MACROD2: variants seen among roughly 807,000 people sequenced by gnomAD.
The protein encoded by MACROD2 is ADP-ribose glycohydrolase MACROD2.
Under a neutral mutation model 70.4 loss-of-function variants are expected in MACROD2, and 36 were observed. The observed-to-expected ratio is 0.51, with a 90% CI of 0.39 to 0.68. The LOEUF (loss-of-function observed/expected upper bound fraction) is 0.68. MACROD2 is among the 30% of genes least tolerant of loss of function. The probability of loss-of-function intolerance (pLI) is 0.00; values close to 1 mark genes in which losing one functional copy is unlikely to be tolerated. For synonymous variants in MACROD2, 172 were observed against 178.8 expected, an observed-to-expected ratio of 0.96 and a Z score of 0.30; for missense variants, 496 against 538.4, an observed-to-expected ratio of 0.92 and a Z score of 0.78.
intron 3 of MACROD2, among the ~76,000 whole-genome samples, chr20:14,367,702 T>C (rs204638): frequency 0.66 from 100,777 of 152,020 alleles, 34,144 homozygotes; most frequent in Non-Finnish European, 0.73. Context: ...ATTCCTTCTT[T>C]ACCCTTGGTT....
At chr20:14,117,052 C>G (rs1033280499) in intron 3 of MACROD2, among the ~76,000 whole-genome samples, 4 of 110,392 alleles carry the variant, frequency 3.6e-5, no homozygotes, top group African/African-American at 1.5e-4. Context: ...GGCGACAGAA[C>G]AAGACTCCAT....
intron 15 of MACROD2, among the ~76,000 whole-genome samples, chr20:16,024,540 C>T (rs2067051235): frequency 6.6e-6 from 1 of 151,960 alleles, no homozygotes; most frequent in African/African-American, 2.4e-5. Context: ...GACACACACA[C>T]ACACATGCCA....
chr20:15,646,211 G>A (rs2049538708), intron 8 of MACROD2, among the ~76,000 whole-genome samples: 1 of 152,024 alleles, frequency 6.6e-6, no homozygotes, highest in Non-Finnish European at 1.5e-5. Flanking sequence ...TTAATTCACA[G>A]CAAAAACACA....
chr20:14,514,059 T>C (rs1266212695), intron 4 of MACROD2, among the ~76,000 whole-genome samples: 1 of 152,148 alleles, frequency 6.6e-6, no homozygotes, highest in Non-Finnish European at 1.5e-5. Context: ...TCTTTCTCAC[T>C]GGACTTACCA....
rs533290889 is a variant in MACROD2 at position 15,344,559 on chromosome 20, A to G, written c.541-86846A>G. Among the ~76,000 whole-genome samples the G allele has an allele frequency of 2.5e-3, 377 of 152,190 alleles. 1 individual carries two copies. Among genetic ancestry groups the G allele is most frequent in the Non-Finnish European group, 3.8e-3 (257 of 68,020 alleles). On this transcript the variant is annotated intron_variant, in intron 6 of 17. Transcript: ENST00000684519. ...CTGAGGCCCAGTTTTTTTCGTATAG[A>G]AACAATTATTTTTTTTTATGTTCTC...
chr20:15,467,865 A>G (rs2046915095), intron 7 of MACROD2, among the ~76,000 whole-genome samples: 1 of 152,176 alleles, frequency 6.6e-6, no homozygotes, highest in Non-Finnish European at 1.5e-5. Context: ...AGCAGACTGC[A>G]TTCTAATTTG....
intron 8 of MACROD2, among the ~76,000 whole-genome samples, chr20:15,640,208 G>A (rs1220072797): frequency 6.6e-6 from 1 of 152,042 alleles, no homozygotes; most frequent in African/African-American, 2.4e-5. Context: ...GATGGTGAGG[G>A]AGAACACATG....
At chr20:15,905,656 A>G (rs991568760) in intron 10 of MACROD2, among the ~76,000 whole-genome samples, 3 of 152,192 alleles carry the variant, frequency 2.0e-5, no homozygotes, top group African/African-American at 7.2e-5. Context: ...GTCGTTAAGG[A>G]GAGGTATTGC....
intron 2 of MACROD2, among the ~76,000 whole-genome samples, chr20:14,005,145 C>A (rs1186719748): frequency 4.0e-5 from 6 of 151,860 alleles, no homozygotes; most frequent in African/African-American, 1.5e-4. Context: ...AAAATATTGC[C>A]AAGGAACACA....
At chr20:15,865,862 C>T (rs1172133419) in intron 9 of MACROD2, among the ~76,000 whole-genome samples, 1 of 152,170 alleles carries the variant, frequency 6.6e-6, no homozygotes, top group African/African-American at 2.4e-5. Flanking sequence ...GTATGCACCA[C>T]CCCTTAGGCT....
chr20:15,327,911 A>G (rs541712592), intron 6 of MACROD2, among the ~76,000 whole-genome samples: 80 of 152,136 alleles, frequency 5.3e-4, no homozygotes, highest in Non-Finnish European at 9.6e-4. Flanking sequence ...TAGGTACTTG[A>G]CACATATCAG....
intron 3 of MACROD2, among the ~76,000 whole-genome samples, chr20:14,394,872 C>T (rs1176614581): frequency 6.6e-6 from 1 of 151,956 alleles, no homozygotes; most frequent in Non-Finnish European, 1.5e-5. Context: ...TCTTATTTGT[C>T]CTGTTGATAT....
At chr20:15,680,807 A>G (rs1040686176) in intron 8 of MACROD2, among the ~76,000 whole-genome samples, 1 of 152,252 alleles carries the variant, frequency 6.6e-6, no homozygotes, top group Non-Finnish European at 1.5e-5. Flanking sequence ...TGATGATATC[A>G]TAACAATAGA....
At chr20:15,499,374 A>C (rs1409755035) in intron 7 of MACROD2, among the ~76,000 whole-genome samples, 1 of 152,086 alleles carries the variant, frequency 6.6e-6, no homozygotes, top group African/African-American at 2.4e-5. Flanking sequence ...CCCTGGACTA[A>C]CTGCATGTTT....
intron 2 of MACROD2, among the ~76,000 whole-genome samples, chr20:14,052,576 G>C (rs1357928550): frequency 6.6e-6 from 1 of 152,002 alleles, no homozygotes; most frequent in East Asian, 1.9e-4. Flanking sequence ...TAATTAACTG[G>C]AGCTCCCTAA....
intron 3 of MACROD2, among the ~76,000 whole-genome samples, chr20:14,348,282 T>TAAAA (rs2083084640): frequency 1.7e-5 from 2 of 115,426 alleles, no homozygotes; most frequent in African/African-American, 3.1e-5. Flanking sequence ...AAAAAAAAAA[T>TAAAA]AAATAAAATA....
chr20:15,432,189 A>T (rs2046371853), intron 7 of MACROD2, among the ~76,000 whole-genome samples: 1 of 152,098 alleles, frequency 6.6e-6, no homozygotes, highest in African/African-American at 2.4e-5. Context: ...GAAGCACAAA[A>T]TATGTAAAAA....
At chr20:15,048,667 T>C (rs1414190618) in intron 5 of MACROD2, among the ~76,000 whole-genome samples, 3 of 152,158 alleles carry the variant, frequency 2.0e-5, no homozygotes, top group Admixed American at 1.3e-4. Context: ...CTTTAAAATA[T>C]TATTTTTAAG....
intron 4 of MACROD2, among the ~76,000 whole-genome samples, chr20:14,553,241 A>G (rs996794819): frequency 3.3e-5 from 5 of 151,492 alleles, no homozygotes; most frequent in African/African-American, 4.8e-5. Context: ...TAGTCCAGGC[A>G]TACACAGGAC....
Sources: gnomAD v4.1 joint callset for allele counts (sites outside exome capture counted in the v4.1 genomes callset) on GRCh38, gnomAD v4.1.1 for gene constraint, MANE v1.5 for transcripts, NCBI Gene and HGNC (gene_info 2026-07-23, HGNC 2026-07-21) for gene names.